The following PSMD5 variants were observed in gnomAD, a reference collection of about 807,000 sequenced individuals.
PSMD5 encodes proteasome 26S subunit, non-ATPase 5.
In PSMD5, 40 loss-of-function variants were observed where a neutral mutation model predicts 52.1. The observed-to-expected ratio is 0.77, with a 90% confidence interval of 0.60 to 1.00. The LOEUF (loss-of-function observed/expected upper bound fraction) is 1.00. Among genes scored for constraint, PSMD5 ranks in the 50% least tolerant of loss-of-function variants. PSMD5 has a pLI of 0.00. For synonymous variants in PSMD5, 211 were observed against 226.6 expected, an observed-to-expected ratio of 0.93 and a Z score of 0.62; for missense variants, 575 against 605.2, an observed-to-expected ratio of 0.95 and a Z score of 0.52.
At position 120,829,170 on chromosome 9, in the gene PSMD5, T is replaced by C; in HGVS notation, c.600A>G (p.Leu200=). Residue 200 remains leucine (L), a synonymous_variant, in exon 5 of 10, where the codon TTA becomes TTG. Transcript: ENST00000210313. ...IEISSVSPES[L]NYCTTSGLVT... ...CCAATCCACTTGTGGTACAGTAGTT[T>C]AAAGATTCTGGTGACACGGAAGAAA... The C allele has an allele frequency of 6.2e-7, 1 of 1,605,566 alleles. No homozygotes were observed. The highest frequency in any genetic ancestry group is 8.5e-7 in the Non-Finnish European group (1 of 1,176,332).
At chr9:120,828,424 A>G (rs931990523) in intron 5 of PSMD5, among the ~76,000 whole-genome samples, 1 of 146,608 alleles carries the variant, frequency 6.8e-6, no homozygotes, top group African/African-American at 2.5e-5. Flanking sequence ...AGTCTTCCTC[A>G]TTTTGAAAAG....
At chr9:120,824,443 A>G (rs1261187356) in intron 7 of PSMD5, 51 bp downstream of exon 7, 1 of 1,565,948 alleles carries the variant, frequency 6.4e-7, no homozygotes, top group East Asian at 2.2e-5. Context: ...TTACATATTG[A>G]ACCCCTGTCA....
chr9:120,818,899 A>T (rs1203475379), intron 9 of PSMD5, among the ~76,000 whole-genome samples: 1 of 152,216 alleles, frequency 6.6e-6, no homozygotes, highest in Non-Finnish European at 1.5e-5. Context: ...TAGTAGAAAT[A>T]TGAAATCATT....
intron 5 of PSMD5, among the ~76,000 whole-genome samples, chr9:120,827,723 C>T (rs1344224105): frequency 6.6e-6 from 1 of 152,066 alleles, no homozygotes; most frequent in African/African-American, 2.4e-5. Context: ...GAACACAGGA[C>T]AATCAGAAAA....
chr9:120,817,098 A>C lies in PSMD5; in HGVS notation c.*808T>G, dbSNP rs2045048134. 1 of 152,138 alleles carries C rather than the reference A, an allele frequency of 6.6e-6. No homozygotes were observed. The highest frequency in any genetic ancestry group is 6.5e-5 in the Admixed American group (1 of 15,272). The allele number at this position is 152,138 out of a possible 1,614,324, so 9.4% of individuals were successfully genotyped here. ...AATAATAGTAACAAAAAAACAAGAG[A>C]GCTCATAAAAAGTATTCTGAGTATA... On this transcript the variant is annotated 3_prime_UTR_variant, in exon 10 of 10. Coordinates refer to ENST00000210313, the MANE Select transcript of PSMD5 (RefSeq NM_005047.4).
chr9:120,820,891 A>T lies in PSMD5; in HGVS notation c.1205T>A (p.Ile402Asn). 6.2e-7 allele frequency: 1 copy of T among 1,608,464 alleles called. No individual in the cohort carries two copies. The change falls in exon 9 of 10, where the codon ATT (isoleucine) becomes AAT (asparagine). Residue 402 changes from isoleucine to asparagine, a missense_variant. Ile to Asn is a moderately radical substitution (Grantham distance 149). Transcript: ENST00000210313. ...TAGTTCAGGGAAGGGCTGACTACTA[A>T]TGCCACGGAAGAGCTCCAGTGGATC... ...SRDPLELFRG[I>N]SSQPFPELHC... is the part of the protein sequence containing the mutation.
intron 2 of PSMD5, 120 bp downstream of exon 2, chr9:120,833,191 GA>G: frequency 8.6e-7 from 1 of 1,158,862 alleles, no homozygotes; most frequent in East Asian, 2.4e-5. Flanking sequence ...GAGCAGAGGA[GA>G]GGGGGAGAAG....
intron 1 of PSMD5, 24 bp from the exon 2 acceptor site, chr9:120,833,480 A>C (rs758166361): frequency 6.2e-7 from 1 of 1,606,206 alleles, no homozygotes; most frequent in South Asian, 1.1e-5. Flanking sequence ...CATAAATCTT[A>C]TTAGTTCATA....
chr9:120,817,996 G>A lies in PSMD5; in HGVS notation c.1425C>T (p.Asn475=). 1 of 1,614,180 alleles carries A rather than the reference G, an allele frequency of 6.2e-7. No homozygotes were observed. The highest frequency in any genetic ancestry group is 8.5e-7 in the Non-Finnish European group (1 of 1,180,034). ...NSKTIAEIFG[N]PNYLRLRTYL... Reference sequence around the variant, plus strand: ...AAGTTCTGAGCCTCAAATAATTTGGGTTCCCAAAGATTTCTGCAATTGTCT... The same window carrying A: ...AAGTTCTGAGCCTCAAATAATTTGGATTCCCAAAGATTTCTGCAATTGTCT... The change falls in exon 10 of 10, where the codon AAC becomes AAT. Residue 475 remains asparagine (N), a synonymous_variant. Coordinates refer to ENST00000210313, the MANE Select transcript of PSMD5 (RefSeq NM_005047.4).
rs1443160167 is a variant in PSMD5 at position 120,826,766 on chromosome 9, T to C, written c.813A>G (p.Pro271=). The change falls in exon 6 of 10, where the codon CCA becomes CCG. Residue 271 remains proline (P), a splice_region_variant and synonymous_variant. Coordinates refer to ENST00000210313, the MANE Select transcript of PSMD5 (RefSeq NM_005047.4). ...DSDPFSSFYL[P]GFVKFFGNLA... is the part of the protein sequence containing the mutation. The stretch of plus-strand genomic sequence containing the variant: ...TCCATAGGCATCAGTGTTCCTTACC[T>C]GGCAGATAGAAGCTAGAGAAAGGGT... 1 of 1,613,606 alleles carries C rather than the reference T, an allele frequency of 6.2e-7. No homozygotes were observed. The highest frequency in any genetic ancestry group is 1.7e-5 in the Admixed American group (1 of 59,976).
chr9:120,836,555 C>T (rs1292782641), intron 1 of PSMD5, among the ~76,000 whole-genome samples: 1 of 151,852 alleles, frequency 6.6e-6, no homozygotes, highest in African/African-American at 2.4e-5. Context: ...TGCCACCAAG[C>T]CCAGCTAATT....
At chr9:120,821,546 T>G (rs963085163) in intron 7 of PSMD5, 82 bp from the exon 8 acceptor site, 11 of 1,009,300 alleles carry the variant, frequency 1.1e-5, no homozygotes, top group Non-Finnish European at 1.6e-5. Context: ...CCATTTTTAG[T>G]GTATAGTTCA....
intron 7 of PSMD5, among the ~76,000 whole-genome samples, chr9:120,823,021 A>G (rs113679148): frequency 0.01 from 1,542 of 149,332 alleles, 33 homozygotes; most frequent in African/African-American, 0.036. Flanking sequence ...TTGTTGACGA[A>G]GCTGGTCTTG....
chr9:120,834,608 G>A (rs1186793154), intron 1 of PSMD5, among the ~76,000 whole-genome samples: 1 of 152,136 alleles, frequency 6.6e-6, no homozygotes, highest in Non-Finnish European at 1.5e-5. Flanking sequence ...GTGGTGAGAA[G>A]GTAAAAGGGT....
At chr9:120,821,763 C>A (rs1022110062) in intron 7 of PSMD5, among the ~76,000 whole-genome samples, 4 of 152,198 alleles carry the variant, frequency 2.6e-5, no homozygotes, top group African/African-American at 7.2e-5. Context: ...CAATATCTGT[C>A]CTTATGTGTT....
At chr9:120,821,131 GC>G in intron 8 of PSMD5, 152 bp from the exon 9 acceptor site, 2 of 993,120 alleles carry the variant, frequency 2.0e-6, no homozygotes, top group Non-Finnish European at 2.9e-6. Flanking sequence ...CTCAAATCCA[GC>G]CCAGACCTTT....
At chr9:120,821,617 T>G (rs547120683) in intron 7 of PSMD5, among the ~76,000 whole-genome samples, 153 bp from the exon 8 acceptor site, 25 of 152,200 alleles carry the variant, frequency 1.6e-4, no homozygotes, top group Non-Finnish European at 2.9e-4. Context: ...TCTAGAACTT[T>G]TTCATCAACC....
chr9:120,821,494 T>C, intron 7 of PSMD5, 30 bp from the exon 8 acceptor site: 1 of 1,438,044 alleles, frequency 7.0e-7, no homozygotes, highest in Non-Finnish European at 9.5e-7. Context: ...GATTCTTCTT[T>C]ATTATGGTAA....
chr9:120,817,293 CAG>C lies in PSMD5; in HGVS notation c.*611_*612del, dbSNP rs1564472750. 2 of 152,236 alleles carry C rather than the reference CAG, an allele frequency of 1.3e-5. No individual in the cohort carries two copies. The highest frequency in any genetic ancestry group is 1.9e-4 in the East Asian group (1 of 5,180). The allele number at this position is 152,236 out of a possible 1,614,324, so 9.4% of individuals were successfully genotyped here. On this transcript the variant is annotated 3_prime_UTR_variant, in exon 10 of 10. Transcript: ENST00000210313. ...TTATTTTATTCATTTATTTTTGAGACAGAGTCTTGCTGTGTTGCCCAGGCTGG... is the reference window on the plus strand; with the variant it reads ...TTATTTTATTCATTTATTTTTGAGACAGTCTTGCTGTGTTGCCCAGGCTGG...
Sources: allele counts gnomAD v4.1 joint callset (sites outside exome capture counted in the v4.1 genomes callset), GRCh38; gene constraint gnomAD v4.1.1; transcripts MANE v1.5; gene names NCBI Gene and HGNC (gene_info 2026-07-23, HGNC 2026-07-21).